PCK1: variants seen among roughly 807,000 people sequenced by gnomAD.
PCK1 encodes phosphoenolpyruvate carboxykinase 1.
PCK1 carries 44 observed loss-of-function variants against 50.3 expected under a neutral mutation model. The ratio of observed to expected loss-of-function variants is 0.87; its 90% confidence interval spans 0.69 to 1.12. The LOEUF is 1.12. PCK1 is among the 50% of genes most tolerant of loss of function. The pLI is 0.00. For missense variants in PCK1, 790 were observed against 815.0 expected, an observed-to-expected ratio of 0.97 and a Z score of 0.37; for synonymous variants, 332 against 314.3, an observed-to-expected ratio of 1.06 and a Z score of -0.59.
rs371783318 is a variant in PCK1 at position 57,565,673 on chromosome 20, A to G, written c.1738A>G (p.Ile580Val). The change falls in exon 10 of 10, where the codon ATC becomes GTC. Residue 580 changes from isoleucine (I) to valine (V), a missense_variant. Ile to Val is a conservative substitution (Grantham distance 29, BLOSUM62 3). Transcript: ENST00000319441. ...CATCAACATGATGGAGCTTTTCAGC[A>G]TCTCCAAGGAATTCTGGGAGAAGGA... ...GHINMMELFS[I>V]SKEFWEKEVE... 4.3e-6 allele frequency: 7 copies of G among 1,613,852 alleles called. No individual in the cohort carries two copies. The highest frequency in any genetic ancestry group is 1.1e-5 in the South Asian group (1 of 91,084).
chr20:57,564,895 A>T, intron 8 of PCK1, 145 bp from the exon 9 acceptor site: 1 of 696,582 alleles, frequency 1.4e-6, no homozygotes. Context: ...AGTTTTCTGC[A>T]ATTTAGCTTG....
intron 2 of PCK1, 99 bp downstream of exon 2, chr20:57,561,734 T>C: frequency 2.5e-6 from 2 of 802,704 alleles, no homozygotes. Flanking sequence ...GGCCTTCGGG[T>C]AGTTTCAGAC....
In PCK1 at chr20:57,564,398, G is replaced by A. The variant is rs2146529721; in HGVS notation, c.1186+5G>A. On this transcript the variant is annotated splice_donor_5th_base_variant and intron_variant, in intron 7 of 9. Transcript: ENST00000319441. ...AGGAGTGGAGCTCAGAGGATGGTGTGTCCCTGCCAGAGGCCTTGGTGTGCC... is the reference window on the plus strand; with the variant it reads ...AGGAGTGGAGCTCAGAGGATGGTGTATCCCTGCCAGAGGCCTTGGTGTGCC... The A allele has an allele frequency of 6.2e-7, 1 of 1,613,826 alleles. No individual in the cohort carries two copies. The highest frequency in any genetic ancestry group is 1.7e-5 in the Admixed American group (1 of 60,018).
intron 6 of PCK1, 92 bp from the exon 7 acceptor site, chr20:57,564,077 G>C (rs2070178691): frequency 1.3e-6 from 1 of 796,760 alleles, no homozygotes; most frequent in Non-Finnish European, 2.0e-6. Context: ...GATTTGAGAA[G>C]TTGGCATAGA....
rs147120329 is a variant in PCK1, at chr20:57,561,418, C to T, written c.7C>T (p.Pro3Ser). The T allele has an allele frequency of 1.7e-3, 2,792 of 1,610,994 alleles. 5 individuals carry two copies. Among genetic ancestry groups the T allele is most frequent in the Non-Finnish European group, 2.2e-3 (2,643 of 1,178,302 alleles). The change falls in exon 2 of 10, where the codon CCT (proline) becomes TCT (serine). Residue 3 changes from proline to serine, a missense_variant. Coordinates refer to ENST00000319441, the MANE Select transcript of PCK1 (RefSeq NM_002591.4). ...TTAGCAGCACTCTGCAGAAATGCCT[C>T]CTCAGCTGCAAAACGGCCTGAACCT... MPPQLQNGLNLSA... is the reference protein window; with the variant it reads MPSQLQNGLNLSA...
At chr20:57,563,338 G>A in intron 5 of PCK1, 123 bp downstream of exon 5, 2 of 896,926 alleles carry the variant, frequency 2.2e-6, no homozygotes, top group Non-Finnish European at 3.4e-6. Context: ...GACAGATCGG[G>A]AAACCCCACC....
At chr20:57,561,709 A>G in intron 2 of PCK1, 74 bp downstream of exon 2, 1 of 1,033,254 alleles carries the variant, frequency 9.7e-7, no homozygotes, top group Non-Finnish European at 1.5e-6. Flanking sequence ...GAGTTGGTGG[A>G]GAAAGGTGAA....
In PCK1 at chr20:57,562,088, A is replaced by C; in HGVS notation, c.242A>C (p.Asp81Ala). 1 of 1,613,522 alleles carries C rather than the reference A, an allele frequency of 6.2e-7. No homozygotes were observed. The highest frequency in any genetic ancestry group is 8.5e-7 in the Non-Finnish European group (1 of 1,179,754). Residue 81 changes from aspartate (D) to alanine (A), a missense_variant, in exon 3 of 10, where the codon GAC becomes GCC. By Grantham distance (126) the Asp-to-Ala change is moderately radical. Coordinates refer to ENST00000319441, the MANE Select transcript of PCK1 (RefSeq NM_002591.4). ...KYDNCWLALTDPRDVARIESK... is the reference protein window; with the variant it reads ...KYDNCWLALTAPRDVARIESK... The stretch of plus-strand genomic sequence containing the variant: ...TTTTGCAGCTGGTTGGCTCTCACTG[A>C]CCCCAGGGATGTGGCCAGGATCGAA...
rs8123020 is a variant in PCK1, at chr20:57,562,005, C to A, written c.225-66C>A. The A allele has an allele frequency of 2.0e-3, 2,716 of 1,365,932 alleles. 2 individuals are homozygous for A. The highest frequency in any genetic ancestry group is 2.7e-3 in the Non-Finnish European group (2,560 of 966,028). 84.6% of individuals were successfully genotyped at this position (1,365,932 alleles called of 1,614,324 possible). A position where few individuals can be genotyped will look rare whatever the true frequency, so the allele number is the denominator to read the frequency against. ...GCACTCTGCTAGGCATGGAAAGCCA[C>A]GGTACTGAAGGAGATGGTTCGCTGC... On this transcript the variant is annotated intron_variant, in intron 2 of 9. Transcript: ENST00000319441.
In PCK1 at chr20:57,561,449, C is replaced by T. The variant is rs2070141187; in HGVS notation, c.38C>T (p.Ala13Val). The T allele has an allele frequency of 1.2e-6, 2 of 1,613,640 alleles. No homozygotes were observed. The highest frequency in any genetic ancestry group is 1.7e-5 in the Admixed American group (1 of 60,008). ...PQLQNGLNLS[A>V]KVVQGSLDSL... ...CTGCAAAACGGCCTGAACCTCTCGG[C>T]CAAAGTTGTCCAGGGAAGCCTGGAC... is the stretch of plus-strand genomic sequence containing the variant. Residue 13 changes from alanine to valine, a missense_variant, in exon 2 of 10, where the codon GCC becomes GTC. Coordinates refer to ENST00000319441, the MANE Select transcript of PCK1 (RefSeq NM_002591.4).
In PCK1 at chr20:57,565,372, C is replaced by T; in HGVS notation, c.1437C>T (p.Pro479=). The change falls in exon 10 of 10, where the codon CCC becomes CCT. Residue 479 remains proline, a synonymous_variant. Coordinates refer to ENST00000319441, the MANE Select transcript of PCK1 (RefSeq NM_002591.4). The part of the protein sequence containing the change: ...EHKGKIIMHD[P]FAMRPFFGYN... ...CAGGCAAAATCATCATGCATGACCCCTTTGCCATGCGGCCCTTCTTTGGCT... is the reference window on the plus strand; with the variant it reads ...CAGGCAAAATCATCATGCATGACCCTTTTGCCATGCGGCCCTTCTTTGGCT... 1 of 1,614,030 alleles carries T rather than the reference C, an allele frequency of 6.2e-7. No homozygotes were observed. Among genetic ancestry groups the T allele is most frequent in the Non-Finnish European group, 8.5e-7 (1 of 1,179,840 alleles).
intron 5 of PCK1, 108 bp downstream of exon 5, chr20:57,563,323 T>C: frequency 9.4e-7 from 1 of 1,060,518 alleles, no homozygotes; most frequent in Non-Finnish European, 1.4e-6. Context: ...GCGTGCAGGT[T>C]CCCGGACAGA....
Position 57,563,564 on chromosome 20 carries a change from G to A in PCK1, c.799-1G>A. On this transcript the variant is annotated splice_acceptor_variant, in intron 5 of 9. Coordinates refer to ENST00000319441, the MANE Select transcript of PCK1 (RefSeq NM_002591.4). LOFTEE classifies it high-confidence loss of function. ...ACAATAAAGAATCTTGTCCCCAACA[G>A]ATTCTGGGTATAACCAACCCTGAGG... 1 of 1,594,062 alleles carries A rather than the reference G, an allele frequency of 6.3e-7. No individual in the cohort carries two copies. The highest frequency in any genetic ancestry group is 8.6e-7 in the Non-Finnish European group (1 of 1,166,416).
At position 57,565,392 on chromosome 20, in the gene PCK1, T is replaced by C; in HGVS notation, c.1457T>C (p.Phe486Ser). Residue 486 changes from phenylalanine (F) to serine (S), a missense_variant, in exon 10 of 10, where the codon TTT (phenylalanine) becomes TCT (serine). By Grantham distance (155) the Phe-to-Ser change is radical. Coordinates refer to ENST00000319441, the MANE Select transcript of PCK1 (RefSeq NM_002591.4). ...GACCCCTTTGCCATGCGGCCCTTCT[T>C]TGGCTACAACTTCGGCAAATACCTG... ...MHDPFAMRPFFGYNFGKYLAH... is the reference protein window; with the variant it reads ...MHDPFAMRPFSGYNFGKYLAH... The C allele has an allele frequency of 6.2e-7, 1 of 1,614,246 alleles. No individual in the cohort carries two copies. Among genetic ancestry groups the C allele is most frequent in the Non-Finnish European group, 8.5e-7 (1 of 1,180,036 alleles).
At position 57,564,215 on chromosome 20, in the gene PCK1, T is replaced by C. The variant is rs776429608; in HGVS notation, c.1008T>C (p.Ala336=). Residue 336 remains alanine (A), a synonymous_variant, in exon 7 of 10, where the codon GCT becomes GCC. Coordinates refer to ENST00000319441, the MANE Select transcript of PCK1 (RefSeq NM_002591.4). ...CAGAAAATGGCTTTTTCGGTGTCGC[T>C]CCTGGGACTTCAGTGAAGACCAACC... ...INPENGFFGV[A]PGTSVKTNPN... 6 of 1,613,988 alleles carry C rather than the reference T, an allele frequency of 3.7e-6. No homozygotes were observed. The highest frequency in any genetic ancestry group is 5.1e-6 in the Non-Finnish European group (6 of 1,179,974).
In PCK1 at chr20:57,562,710, G is replaced by C; in HGVS notation, c.421G>C (p.Val141Leu). 4 of 1,613,870 alleles carry C rather than the reference G, an allele frequency of 2.5e-6. No homozygotes were observed. Among genetic ancestry groups the C allele is most frequent in the Middle Eastern group, 3.3e-4 (2 of 5,988 alleles). The change falls in exon 4 of 10, where the codon GTC becomes CTC. Residue 141 changes from valine (V) to leucine (L), a missense_variant. Transcript: ENST00000319441. ...GCACCCTGTAGGTCGCACCATGTAC[G>C]TCATCCCATTCAGCATGGGGCCGCT... Reference protein sequence around the residue: ...PGCMKGRTMYVIPFSMGPLGS... With the variant: ...PGCMKGRTMYLIPFSMGPLGS...
At chr20:57,564,987 G>A in intron 8 of PCK1, 53 bp from the exon 9 acceptor site, 2 of 1,292,590 alleles carry the variant, frequency 1.5e-6, no homozygotes, top group Non-Finnish European at 2.2e-6. Context: ...TGGTTGTGGA[G>A]TCTGAATTTC....
At position 57,565,555 on chromosome 20, in the gene PCK1, G is replaced by A. The variant is rs1347732049; in HGVS notation, c.1620G>A (p.Met540Ile). The change falls in exon 10 of 10, where the codon ATG becomes ATA. Residue 540 changes from methionine (M) to isoleucine (I), a missense_variant. Transcript: ENST00000319441. ...AGAACTCCAGGGTGCTGGAGTGGAT[G>A]TTCAACCGGATCGATGGAAAAGCCA... ...FGENSRVLEW[M>I]FNRIDGKAST... 3 of 1,614,124 alleles carry A rather than the reference G, an allele frequency of 1.9e-6. No homozygotes were observed. The highest frequency in any genetic ancestry group is 3.3e-5 in the Admixed American group (2 of 60,032).
At chr20:57,564,084 T>C in intron 6 of PCK1, 85 bp from the exon 7 acceptor site, 1 of 845,340 alleles carries the variant, frequency 1.2e-6, no homozygotes. Flanking sequence ...GAAGTTGGCA[T>C]AGAAATTAGT....
Sources: allele counts gnomAD v4.1 joint callset, GRCh38; gene constraint gnomAD v4.1.1; transcripts MANE v1.5; gene names NCBI Gene and HGNC (gene_info 2026-07-23, HGNC 2026-07-21).